The following FNBP1 variants were observed in gnomAD, a reference collection of about 807,000 sequenced individuals.
FNBP1 encodes formin-binding protein 1.
FNBP1 carries 26 observed loss-of-function variants against 90.6 expected under a neutral mutation model. The ratio of observed to expected loss-of-function variants is 0.29; its 90% CI spans 0.21 to 0.40. The LOEUF (loss-of-function observed/expected upper bound fraction) is 0.40, where lower values mean the gene tolerates loss of function less well. Ranked by LOEUF, FNBP1 falls within the 10% of genes least tolerant of loss-of-function variation. The pLI is 1.00. For synonymous variants in FNBP1, 260 were observed against 265.2 expected, an observed-to-expected ratio of 0.98 and a Z score of 0.19; for missense variants, 635 against 768.0, an observed-to-expected ratio of 0.83 and a Z score of 2.05.
At chr9:129,915,175 C>T (rs1036221647) in intron 11 of FNBP1, among the ~76,000 whole-genome samples, 1 of 151,972 alleles carries the variant, frequency 6.6e-6, no homozygotes, top group Non-Finnish European at 1.5e-5. Context: ...ATTCCACAGT[C>T]TTCCATTCCC....
rs1449896643 is a variant in FNBP1 at position 129,965,052 on chromosome 9, C to T, written c.346-6499G>A. The stretch of plus-strand genomic sequence containing the variant: ...AATCCTGTTTCCTCTAAACTCACAG[C>T]GTAGTAGTGGGTTTGAACAGGAGCA... On this transcript the variant is annotated intron_variant, in intron 4 of 16. Transcript: ENST00000446176. Among the ~76,000 whole-genome samples, 6 of 152,204 alleles carry T rather than the reference C, an allele frequency of 3.9e-5. No individual in the cohort carries two copies. The East Asian group carries it at 5.8e-4, about 15-fold the overall frequency.
chr9:130,005,088 A>C (rs1482190857), intron 1 of FNBP1, among the ~76,000 whole-genome samples: 3 of 141,764 alleles, frequency 2.1e-5, no homozygotes. Context: ...AAAAAAAAAA[A>C]GGCTGGGCAT....
intron 6 of FNBP1, among the ~76,000 whole-genome samples, chr9:129,950,804 T>C (rs1413705540): frequency 6.6e-6 from 1 of 151,822 alleles, no homozygotes; most frequent in Non-Finnish European, 1.5e-5. Context: ...TACCTTTTTC[T>C]TTTTTTTGAG....
chr9:130,053,825 T>A, the FNBP1 span: 1 of 1,063,820 alleles, frequency 9.4e-7, no homozygotes, highest in Non-Finnish European at 1.4e-6. Flanking sequence ...GACCACAGGG[T>A]CAGCGGAGCT....
intron 4 of FNBP1, among the ~76,000 whole-genome samples, chr9:129,965,802 AAGGAGGGAGGGAGGG>A (rs767777873): frequency 0.053 from 3,400 of 64,480 alleles, 81 homozygotes; most frequent in Non-Finnish European, 0.07. Context: ...GGGAGGGGGG[AAGGAGGGAGGGAGGG>A]AGGAAGGAAG....
chr9:130,026,841 TGTTA>T (rs1231800255), intron 1 of FNBP1, among the ~76,000 whole-genome samples: 3 of 151,594 alleles, frequency 2.0e-5, no homozygotes. Context: ...TGCTCACACC[TGTTA>T]GTCCTAGCTA....
chr9:130,044,146 C>T (rs2060029412), upstream of FNBP1, among the ~76,000 whole-genome samples: 1 of 152,196 alleles, frequency 6.6e-6, no homozygotes, highest in South Asian at 2.1e-4. Flanking sequence ...AATTCCAACT[C>T]CTGAATCACT....
At position 129,925,145 on chromosome 9, in the gene FNBP1, C is replaced by T; in HGVS notation, c.802G>A (p.Val268Ile). The change falls in exon 9 of 17, where the codon GTA becomes ATA. Residue 268 changes from valine (V) to isoleucine (I), a missense_variant. Transcript: ENST00000446176. ...AACCCTGATTTATAAGCTTCTATTA[C>T]CAGCTGTGAATCCTGAAATTATACC... ...SIDQKNDSQL[V>I]IEAYKSGFEP... 1 of 1,611,982 alleles carries T rather than the reference C, an allele frequency of 6.2e-7. No individual in the cohort carries two copies. The highest frequency in any genetic ancestry group is 8.5e-7 in the Non-Finnish European group (1 of 1,178,672).
At chr9:129,938,892 A>T (rs1355244290) in intron 6 of FNBP1, among the ~76,000 whole-genome samples, 1 of 152,178 alleles carries the variant, frequency 6.6e-6, no homozygotes, top group Non-Finnish European at 1.5e-5. Context: ...GATGGTTTCC[A>T]AGACTTGGCC....
chr9:129,958,395 G>A lies in FNBP1; in HGVS notation c.408+96C>T. The A allele has an allele frequency of 8.0e-6, 7 of 872,278 alleles. No homozygotes were observed. In the South Asian group the frequency reaches 1.1e-4, roughly 13 times the overall value. 54.0% of individuals were successfully genotyped at this position (872,278 alleles called of 1,614,324 possible). A position where few individuals can be genotyped will look rare whatever the true frequency, so the allele number is the denominator to read the frequency against. On this transcript the variant is annotated intron_variant, in intron 5 of 16. Coordinates refer to ENST00000446176, the MANE Select transcript of FNBP1 (RefSeq NM_015033.3). ...TACAGTGAGCCGAGATCGCACCATT[G>A]CACTCCAACCTGGGCAACAGAGGGA...
Position 130,027,606 on chromosome 9 carries a change from G to C in FNBP1, c.24+15346C>G, listed in dbSNP as rs183288203. Among the ~76,000 whole-genome samples the C allele has an allele frequency of 1.9e-3, 282 of 152,214 alleles. 1 individual carries two copies. Among genetic ancestry groups the C allele is most frequent in the African/African-American group, 5.7e-3 (237 of 41,512 alleles). On this transcript the variant is annotated intron_variant, in intron 1 of 16. Coordinates refer to ENST00000446176, the MANE Select transcript of FNBP1 (RefSeq NM_015033.3). ...AAACAACCATTTTATCATGGGTCAG[G>C]AATTTGGACAGGGACAACTTTTCTC...
chr9:129,921,601 C>T (rs189395913), intron 10 of FNBP1, among the ~76,000 whole-genome samples: 1,916 of 152,172 alleles, frequency 0.013, 15 homozygotes, highest in Middle Eastern at 0.024. Flanking sequence ...TTAGTACAGA[C>T]GGGGTTTCAC....
Position 129,938,311 on chromosome 9 carries a change from T to G in FNBP1, c.514-8616A>C, listed in dbSNP as rs147439197. On this transcript the variant is annotated intron_variant, in intron 6 of 16. Coordinates refer to ENST00000446176, the MANE Select transcript of FNBP1 (RefSeq NM_015033.3). ...GCATTGTTTAAATTTCCCAGCAAAC[T>G]GTTGTATCTAGAATATATTTTCAAT... Among the ~76,000 whole-genome samples the G allele has an allele frequency of 7.0e-3, 1,064 of 152,328 alleles. 10 individuals carry two copies. Among genetic ancestry groups the G allele is most frequent in the African/African-American group, 0.021 (855 of 41,578 alleles).
At chr9:130,020,694 G>A (rs1006301046) in intron 1 of FNBP1, among the ~76,000 whole-genome samples, 5 of 152,072 alleles carry the variant, frequency 3.3e-5, no homozygotes, top group African/African-American at 7.2e-5. Context: ...AATATGCTAC[G>A]CCAACTCAGC....
At chr9:130,019,396 T>G (rs868767826) in intron 1 of FNBP1, among the ~76,000 whole-genome samples, 7 of 151,988 alleles carry the variant, frequency 4.6e-5, no homozygotes, top group Admixed American at 1.3e-4. Context: ...AAACTAACAA[T>G]TAGATTGCAT....
At position 130,042,843 on chromosome 9, in the gene FNBP1, C is replaced by T. The variant is rs996563934; in HGVS notation, c.24+109G>A. The T allele has an allele frequency of 1.1e-5, 8 of 724,088 alleles. No individual in the cohort carries two copies. In the Admixed American group the frequency reaches 2.3e-4, roughly 20 times the overall value. 44.9% of individuals were successfully genotyped at this position (724,088 alleles called of 1,614,324 possible). On this transcript the variant is annotated intron_variant, in intron 1 of 16. Coordinates refer to ENST00000446176, the MANE Select transcript of FNBP1 (RefSeq NM_015033.3). This position sits in a 1 kb window ranked among gnomAD's most constrained non-coding sequence, Gnocchi z 5.5. ...CTCCCCAGGCCGCGAGGACCCCGAC[C>T]AGCGCGCCCTCGCCTCCGCCCAGCA...
chr9:129,955,833 G>A (rs371551090), intron 6 of FNBP1, among the ~76,000 whole-genome samples: 11 of 138,944 alleles, frequency 7.9e-5, no homozygotes, highest in Non-Finnish European at 9.9e-5. Flanking sequence ...TTCTTTTAGC[G>A]CGCACACACA....
chr9:129,907,612 T>A, intron 12 of FNBP1, among the ~76,000 whole-genome samples: 1 of 150,620 alleles, frequency 6.6e-6, no homozygotes, highest in Non-Finnish European at 1.5e-5. Flanking sequence ...TGTGTGTGTG[T>A]GTGTGTGTGT....
At chr9:129,994,085 GA>G (rs1316942724) in intron 2 of FNBP1, among the ~76,000 whole-genome samples, 2 of 152,146 alleles carry the variant, frequency 1.3e-5, no homozygotes, top group African/African-American at 4.8e-5. Flanking sequence ...TAGATCCTAG[GA>G]AATGTGTTCA....
Sources: allele counts gnomAD v4.1 joint callset (sites outside exome capture counted in the v4.1 genomes callset), GRCh38; gene constraint gnomAD v4.1.1; non-coding constraint Gnocchi (gnomAD v3.1); transcripts MANE v1.5; gene names NCBI Gene and HGNC (gene_info 2026-07-23, HGNC 2026-07-21).